The following KMT2C variants were observed in gnomAD, a reference collection of about 807,000 sequenced individuals.
KMT2C encodes the protein histone-lysine N-methyltransferase 2C.
In KMT2C, 88 loss-of-function variants were observed where a neutral mutation model predicts 507.9. That is an observed-to-expected ratio of 0.17 (90% CI 0.15 to 0.21). The LOEUF is 0.21. KMT2C is among the 10% of genes least tolerant of loss of function. The probability of loss-of-function intolerance (pLI) is 1.00; values close to 1 mark genes in which losing one functional copy is unlikely to be tolerated. For missense variants in KMT2C, 4,954 were observed against 5,957.8 expected (o/e 0.83, Z 5.55); for synonymous variants, 2,049 against 2,080.8 (o/e 0.98, Z 0.42).
chr7:152,352,464 C>T lies in KMT2C; in HGVS notation c.250+6123G>A, dbSNP rs530668824. Among the ~76,000 whole-genome samples the T allele has an allele frequency of 5.3e-5, 8 of 152,264 alleles. 1 individual carries two copies. Among genetic ancestry groups the T allele is most frequent in the Admixed American group, 3.9e-4 (6 of 15,290 alleles). On this transcript the variant is annotated intron_variant, in intron 2 of 58. Transcript: ENST00000262189. ...CCCACACCCTATTCATATACTCCCT[C>T]CCCTTTGAAAATCACTAATAAAAAC...
chr7:152,304,084 C>T (rs1234903320), intron 6 of KMT2C, among the ~76,000 whole-genome samples: 3 of 152,058 alleles, frequency 2.0e-5, no homozygotes, highest in African/African-American at 4.8e-5. Context: ...AAGATGTGCA[C>T]AATCAAAAAA....
intron 1 of KMT2C, among the ~76,000 whole-genome samples, chr7:152,403,715 T>TACACACAC (rs36191060): frequency 2.4e-4 from 35 of 144,632 alleles, no homozygotes; most frequent in Admixed American, 4.1e-4. Context: ...CTGGGACACA[T>TACACACAC]ACACACACAC....
chr7:152,239,268 A>G (rs1308249338), intron 14 of KMT2C, among the ~76,000 whole-genome samples: 2 of 152,198 alleles, frequency 1.3e-5, no homozygotes, highest in African/African-American at 4.8e-5. Context: ...TCTATATTCT[A>G]TAGCTATAAA....
chr7:152,344,158 G>A (rs2097028464), intron 2 of KMT2C, among the ~76,000 whole-genome samples: 2 of 152,168 alleles, frequency 1.3e-5, no homozygotes, highest in African/African-American at 4.8e-5. Context: ...GAAGGAATTA[G>A]GATTATTTTG....
chr7:152,297,055 C>CAGACAGAAAGAGAG (rs1315629061), intron 6 of KMT2C, among the ~76,000 whole-genome samples: 66 of 84,434 alleles, frequency 7.8e-4, no homozygotes, highest in African/African-American at 3.5e-3. Flanking sequence ...GAAAGAAAGA[C>CAGACAGAAAGAGAG]AGAGAGAGAG....
rs1344219063 is a variant in KMT2C at position 152,152,917 on chromosome 7, A to G, written c.12314T>C (p.Leu4105Pro). 1.2e-6 allele frequency: 2 copies of G among 1,614,124 alleles called. No individual in the cohort carries two copies. The highest frequency in any genetic ancestry group is 1.3e-5 in the African/African-American group (1 of 74,946). Residue 4105 changes from leucine to proline, a missense_variant, in exon 49 of 59, where the codon CTT becomes CCT. Transcript: ENST00000262189. The part of the protein sequence containing the change: ...SSVVAAFSDL[L>P]HVRIPNSYEV... ...ATAGCTGTTAGGGATTCGGACGTGA[A>G]GAAGGTCGGAAAATGCAGCCACAAC... is the stretch of plus-strand genomic sequence containing the variant.
chr7:152,200,990 T>A (rs1430175004), intron 26 of KMT2C, among the ~76,000 whole-genome samples: 1 of 152,140 alleles, frequency 6.6e-6, no homozygotes, highest in African/African-American at 2.4e-5. Context: ...TTTCTTATAA[T>A]AAGCAATGCT....
intron 6 of KMT2C, among the ~76,000 whole-genome samples, chr7:152,308,940 C>A (rs2096645298): frequency 6.6e-6 from 1 of 152,028 alleles, no homozygotes; most frequent in South Asian, 2.1e-4. Flanking sequence ...GCATTTGTTT[C>A]AAAATTACAT....
chr7:152,157,658 G>C, intron 44 of KMT2C: 4 of 680,134 alleles, frequency 5.9e-6, no homozygotes, highest in South Asian at 6.2e-5. Context: ...AATAAAACTT[G>C]GAAGAGTAGA....
intron 36 of KMT2C, among the ~76,000 whole-genome samples, chr7:152,180,345 T>A (rs2093391144): frequency 6.6e-6 from 1 of 152,206 alleles, no homozygotes; most frequent in Admixed American, 6.5e-5. Flanking sequence ...TAAATCCTGA[T>A]ACTTTCATTA....
In KMT2C at chr7:152,177,035, G is replaced by C. The variant is rs993949525; in HGVS notation, c.8418C>G (p.Leu2806=). Residue 2806 remains leucine, a synonymous_variant, in exon 38 of 59, where the codon CTC becomes CTG. Transcript: ENST00000262189. ...TTTTCTGTGGTGAATGTTTATCAGA[G>C]AGAACCAGAGTTTTGTTTTCTTGTT... ...KKEQENKTLV[L]SDKHSPQKKS... is the part of the protein sequence containing the mutation. 1 of 1,613,288 alleles carries C rather than the reference G, an allele frequency of 6.2e-7. No individual in the cohort carries two copies. Among genetic ancestry groups the C allele is most frequent in the African/African-American group, 1.3e-5 (1 of 74,936 alleles).
intron 7 of KMT2C, among the ~76,000 whole-genome samples, chr7:152,271,592 T>C (rs1244992725): frequency 6.9e-6 from 1 of 144,804 alleles, no homozygotes; most frequent in Non-Finnish European, 1.5e-5. Context: ...AGAAATCGCA[T>C]GAACCTGGAA....
chr7:152,148,296 C>T lies in KMT2C; in HGVS notation c.13631G>A (p.Arg4544Gln), dbSNP rs1483473593. ...QIASIVQRGE[R>Q]DHTFRVGSLI... ...GCTACCCACGCGAAAGGTATGGTCC[C>T]GTTCTCCTCGTTGCACGATGCTAGC... The change falls in exon 52 of 59, where the codon CGG (arginine) becomes CAG (glutamine). Residue 4544 changes from arginine (R) to glutamine (Q), a missense_variant. By Grantham distance (43) the Arg-to-Gln change is conservative. Around this residue, in one of 29 missense-constraint regions of KMT2C, gnomAD observed 221 missense variants for 304.7 expected, o/e 0.73. Transcript: ENST00000262189. This position sits in a 1 kb window ranked among gnomAD's most constrained non-coding sequence, Gnocchi z 7.1. The T allele has an allele frequency of 5.6e-6, 9 of 1,614,098 alleles. No individual in the cohort carries two copies. Among genetic ancestry groups the T allele is most frequent in the Admixed American group, 1.7e-5 (1 of 60,008 alleles).
At chr7:152,201,311 C>G (rs1415843943) in intron 26 of KMT2C, among the ~76,000 whole-genome samples, 5 of 151,598 alleles carry the variant, frequency 3.3e-5, no homozygotes, top group African/African-American at 1.2e-4. Flanking sequence ...CACACACACA[C>G]ACACACACAC....
At chr7:152,306,827 G>A (rs1410663680) in intron 6 of KMT2C, among the ~76,000 whole-genome samples, 1 of 152,170 alleles carries the variant, frequency 6.6e-6, no homozygotes, top group Non-Finnish European at 1.5e-5. Flanking sequence ...CAAAGTTCTA[G>A]CTAACTGGTC....
rs145841359 is a variant in KMT2C, at chr7:152,311,876, C to T, written c.661G>A (p.Ala221Thr). ...VSTQTASDDQ[A>T]GKLWDELSLV... is the part of the protein sequence containing the mutation. The stretch of plus-strand genomic sequence containing the variant: ...CTGAGTTCATCCCACAGTTTACCAG[C>T]TTGATCATCTGAAGCTGTCTGGGTG... Residue 221 changes from alanine (A) to threonine (T), a missense_variant, in exon 5 of 59, where the codon GCT (alanine) becomes ACT (threonine). Coordinates refer to ENST00000262189, the MANE Select transcript of KMT2C (RefSeq NM_170606.3). 5.0e-6 allele frequency: 8 copies of T among 1,611,740 alleles called. No homozygotes were observed. The highest frequency in any genetic ancestry group is 5.9e-6 in the Non-Finnish European group (7 of 1,178,282).
chr7:152,216,380 A>C (rs995262850), intron 23 of KMT2C, among the ~76,000 whole-genome samples: 9 of 152,234 alleles, frequency 5.9e-5, no homozygotes, highest in Non-Finnish European at 1.3e-4. Flanking sequence ...AAATAAATAG[A>C]AACAAAAAGT....
chr7:152,159,674 C>T (rs1052772033), intron 43 of KMT2C, among the ~76,000 whole-genome samples: 2 of 152,214 alleles, frequency 1.3e-5, no homozygotes, highest in Non-Finnish European at 2.9e-5. Context: ...TGGGAGAGAA[C>T]GTAGATGATA....
rs143640145 is a variant in KMT2C, at chr7:152,385,705, AT to A, written c.162-27031del. 7.6e-3 allele frequency among the ~76,000 whole-genome samples: 1,079 copies of A among 142,764 alleles called. 13 individuals carry two copies. The highest frequency in any genetic ancestry group is 0.027 in the African/African-American group (1,029 of 37,916). 93.7% of individuals were successfully genotyped at this position (142,764 alleles called of 152,430 possible). The stretch of plus-strand genomic sequence containing the variant: ...GATGATATTATGGATTTAACTGTCA[AT>A]TTTTTTTTAAGTATGATGGTGGTAT... On this transcript the variant is annotated intron_variant, in intron 1 of 58. Transcript: ENST00000262189.
Sources: gnomAD v4.1 joint callset for allele counts (sites outside exome capture counted in the v4.1 genomes callset) on GRCh38, gnomAD v4.1.1 for gene constraint, gnomAD v4.1.1 regional missense constraint, Gnocchi (gnomAD v3.1) non-coding constraint, MANE v1.5 for transcripts, NCBI Gene and HGNC (gene_info 2026-07-23, HGNC 2026-07-21) for gene names.